The following NSMCE2 variants were observed in gnomAD, a reference collection of about 807,000 sequenced individuals.
NSMCE2 encodes E3 SUMO-protein ligase NSE2.
In NSMCE2, 24 loss-of-function variants were observed where a neutral mutation model predicts 23.8. The ratio of observed to expected loss-of-function variants is 1.01; its 90% CI spans 0.73 to 1.42. NSMCE2 has a LOEUF of 1.42. NSMCE2 is among the 40% of genes most tolerant of loss of function. NSMCE2 has a pLI of 0.00. For synonymous variants in NSMCE2, 92 were observed against 94.1 expected, an observed-to-expected ratio of 0.98 and a Z score of 0.13; for missense variants, 284 against 296.5, an observed-to-expected ratio of 0.96 and a Z score of 0.31.
intron 5 of NSMCE2, among the ~76,000 whole-genome samples, chr8:125,235,441 T>G (rs746711505): frequency 1.3e-5 from 2 of 152,150 alleles, no homozygotes; most frequent in East Asian, 1.9e-4. Flanking sequence ...AAAAGATAAC[T>G]CCTCTGACCC....
At chr8:125,263,658 G>T (rs1161611741) in intron 5 of NSMCE2, among the ~76,000 whole-genome samples, 3 of 151,834 alleles carry the variant, frequency 2.0e-5, no homozygotes, top group Non-Finnish European at 2.9e-5. Context: ...GTTGAGGCAG[G>T]ACAATCTCTT....
chr8:125,314,048 G>A (rs915829363), intron 5 of NSMCE2, among the ~76,000 whole-genome samples: 10 of 152,130 alleles, frequency 6.6e-5, no homozygotes, highest in South Asian at 2.1e-4. Context: ...TTCAAAGACC[G>A]GTAATCAAAT....
At chr8:125,097,745 G>A (rs1010598579) in intron 1 of NSMCE2, among the ~76,000 whole-genome samples, 9 of 152,080 alleles carry the variant, frequency 5.9e-5, no homozygotes, top group African/African-American at 1.9e-4. Context: ...GAGGGGTTGT[G>A]GCAGAAAGGA....
At chr8:125,274,038 G>T (rs1827338670) in intron 5 of NSMCE2, among the ~76,000 whole-genome samples, 1 of 152,184 alleles carries the variant, frequency 6.6e-6, no homozygotes, top group Admixed American at 6.5e-5. Context: ...ATGTGCTGCA[G>T]ATGATTCACC....
intron 5 of NSMCE2, among the ~76,000 whole-genome samples, chr8:125,188,622 C>T (rs1266742944): frequency 1.3e-5 from 2 of 152,164 alleles, no homozygotes; most frequent in African/African-American, 4.8e-5. Flanking sequence ...TTTGCCTTTA[C>T]TTTCTCATAA....
chr8:125,173,120 C>A (rs1443567105), intron 4 of NSMCE2, among the ~76,000 whole-genome samples: 1 of 152,182 alleles, frequency 6.6e-6, no homozygotes, highest in East Asian at 1.9e-4. Context: ...TTAACACAAC[C>A]AATTCTGTCA....
chr8:125,240,763 A>G (rs1825737653), intron 5 of NSMCE2, among the ~76,000 whole-genome samples: 1 of 152,148 alleles, frequency 6.6e-6, no homozygotes, highest in Non-Finnish European at 1.5e-5. Context: ...CTGTCTAATC[A>G]AGTAAACACC....
At chr8:125,323,872 A>G (rs1262708980) in intron 5 of NSMCE2, among the ~76,000 whole-genome samples, 1 of 152,228 alleles carries the variant, frequency 6.6e-6, no homozygotes, top group African/African-American at 2.4e-5. Flanking sequence ...GCCAAGTGAC[A>G]GTCTGGGAAA....
Position 125,181,081 on chromosome 8 carries a change from G to C in NSMCE2, c.265-1022G>C, listed in dbSNP as rs182644904. 1.8e-3 allele frequency among the ~76,000 whole-genome samples: 277 copies of C among 152,308 alleles called. 2 individuals are homozygous for C. Among genetic ancestry groups the C allele is most frequent in the African/African-American group, 6.3e-3 (260 of 41,558 alleles). On this transcript the variant is annotated intron_variant, in intron 4 of 7. Transcript: ENST00000287437. ...GGAGCATCAGGAAAGGGCCAGTGAT[G>C]AAAGGGAGCGATTATGAAGGCCTGA...
intron 5 of NSMCE2, among the ~76,000 whole-genome samples, chr8:125,218,884 A>G (rs771572770): frequency 2.6e-5 from 4 of 152,228 alleles, no homozygotes; most frequent in Non-Finnish European, 4.4e-5. Flanking sequence ...ACAATAAAAC[A>G]ATCAGTTAGA....
intron 5 of NSMCE2, among the ~76,000 whole-genome samples, chr8:125,326,000 G>A (rs773314889): frequency 3.3e-5 from 5 of 152,002 alleles, no homozygotes; most frequent in South Asian, 4.2e-4. Flanking sequence ...GCTCATGCCT[G>A]TAATCCCAGC....
chr8:125,178,486 T>A (rs965809096), intron 4 of NSMCE2, among the ~76,000 whole-genome samples: 1 of 152,220 alleles, frequency 6.6e-6, no homozygotes, highest in Non-Finnish European at 1.5e-5. Flanking sequence ...TAATCCAGTG[T>A]ATTGTGTTTC....
At chr8:125,130,746 G>A (rs951358408) in intron 3 of NSMCE2, among the ~76,000 whole-genome samples, 1 of 152,138 alleles carries the variant, frequency 6.6e-6, no homozygotes, top group African/African-American at 2.4e-5. Context: ...ATATTAAGGG[G>A]AACATGTGTT....
chr8:125,166,145 T>G (rs536111503), intron 4 of NSMCE2, among the ~76,000 whole-genome samples: 1 of 152,204 alleles, frequency 6.6e-6, no homozygotes, highest in Non-Finnish European at 1.5e-5. Flanking sequence ...TACTATTTAT[T>G]AGAAAAGTCA....
intron 5 of NSMCE2, among the ~76,000 whole-genome samples, chr8:125,209,752 G>T (rs1256394242): frequency 1.3e-5 from 2 of 152,050 alleles, no homozygotes; most frequent in Non-Finnish European, 2.9e-5. Context: ...CTACCATGTG[G>T]TGAATTCTAG....
Position 125,197,088 on chromosome 8 carries a change from T to C in NSMCE2, c.418+14832T>C, listed in dbSNP as rs1046456675. 3.7e-4 allele frequency among the ~76,000 whole-genome samples: 57 copies of C among 152,360 alleles called. 1 individual carries two copies. The highest frequency in any genetic ancestry group is 1.3e-3 in the African/African-American group (53 of 41,582). Reference sequence around the variant, plus strand: ...ATTTGTTTAAGTTCTTTGTAGATTCTGGATATTAGCCCTTTATCAGATAGG... The same window carrying C: ...ATTTGTTTAAGTTCTTTGTAGATTCCGGATATTAGCCCTTTATCAGATAGG... On this transcript the variant is annotated intron_variant, in intron 5 of 7. Coordinates refer to ENST00000287437, the MANE Select transcript of NSMCE2 (RefSeq NM_173685.4).
chr8:125,221,288 C>T (rs1824850101), intron 5 of NSMCE2, among the ~76,000 whole-genome samples: 1 of 152,188 alleles, frequency 6.6e-6, no homozygotes, highest in African/African-American at 2.4e-5. Context: ...CTTTGTCACC[C>T]ATGCTGAAGT....
intron 5 of NSMCE2, among the ~76,000 whole-genome samples, chr8:125,334,430 G>A (rs1358399037): frequency 6.6e-6 from 1 of 152,180 alleles, no homozygotes; most frequent in Admixed American, 6.5e-5. Context: ...CATGAACGTT[G>A]AATTCAGAGA....
intron 3 of NSMCE2, among the ~76,000 whole-genome samples, chr8:125,117,809 C>T (rs115581197): frequency 6.6e-6 from 1 of 152,264 alleles, no homozygotes; most frequent in African/African-American, 2.4e-5. Flanking sequence ...TCTTCAGAGT[C>T]TGGGACTTTA....
Sources: allele counts gnomAD v4.1 joint callset (sites outside exome capture counted in the v4.1 genomes callset), GRCh38; gene constraint gnomAD v4.1.1; transcripts MANE v1.5; gene names NCBI Gene and HGNC (gene_info 2026-07-23, HGNC 2026-07-21).